EGFR: variants seen among roughly 807,000 people sequenced by gnomAD.
EGFR encodes the protein epidermal growth factor receptor, also known as avian erythroblastic leukemia viral (v-erb-b) oncogene homolog.
EGFR carries 58 observed loss-of-function variants against 143.0 expected under a neutral mutation model. The observed-to-expected ratio is 0.41, with a 90% CI of 0.33 to 0.50. EGFR has a LOEUF of 0.50. EGFR is among the 20% of genes least tolerant of loss of function. The pLI, the probability that EGFR is intolerant of heterozygous loss-of-function variation, is 0.39. For synonymous variants in EGFR, 613 were observed against 594.4 expected (o/e 1.03, Z -0.45); for missense variants, 1,307 against 1,579.0 (o/e 0.83, Z 2.92).
At chr7:55,125,881 G>C (rs1793494654) in intron 1 of EGFR, among the ~76,000 whole-genome samples, 1 of 152,206 alleles carries the variant, frequency 6.6e-6, no homozygotes, top group Admixed American at 6.5e-5. Flanking sequence ...GAATCTGTCA[G>C]TGGCTTCTCA....
intron 1 of EGFR, among the ~76,000 whole-genome samples, chr7:55,059,923 G>C (rs1789070854): frequency 6.6e-6 from 1 of 151,968 alleles, no homozygotes; most frequent in South Asian, 2.1e-4. Flanking sequence ...GGTGGAAGTA[G>C]GGCTGGAGAC....
chr7:55,032,444 T>C (rs944601193), intron 1 of EGFR, among the ~76,000 whole-genome samples: 1 of 152,224 alleles, frequency 6.6e-6, no homozygotes, highest in Non-Finnish European at 1.5e-5. Flanking sequence ...TTTCACTCTC[T>C]ATGTAGAACG....
Position 55,163,723 on chromosome 7 carries a change from C to G in EGFR, c.1632-10C>G. 6.2e-7 allele frequency: 1 copy of G among 1,613,788 alleles called. No homozygotes were observed. The highest frequency in any genetic ancestry group is 1.7e-5 in the Admixed American group (1 of 60,028). On this transcript the variant is annotated splice_polypyrimidine_tract_variant and intron_variant, in intron 13 of 27. Coordinates refer to ENST00000275493, the MANE Select transcript of EGFR (RefSeq NM_005228.5). ...GGGTGGGCTGACGGGTTTCCTCTTC[C>G]TCCTCTCAGTGAGCCAAGGGAGTTT...
At chr7:55,084,915 G>A (rs751920112) in intron 1 of EGFR, among the ~76,000 whole-genome samples, 16 of 152,094 alleles carry the variant, frequency 1.1e-4, no homozygotes, top group Non-Finnish European at 2.4e-4. Flanking sequence ...TCGGTAGCAG[G>A]GCAGTACAGC....
At chr7:55,033,302 T>G (rs1323506728) in intron 1 of EGFR, among the ~76,000 whole-genome samples, 1 of 152,112 alleles carries the variant, frequency 6.6e-6, no homozygotes, top group Non-Finnish European at 1.5e-5. Context: ...TGTGGTGTTT[T>G]TTGTTTTGTT....
chr7:55,137,981 A>C (rs1275068344), intron 1 of EGFR, among the ~76,000 whole-genome samples: 1 of 152,244 alleles, frequency 6.6e-6, no homozygotes, highest in East Asian at 1.9e-4. Context: ...CCTTAAAAAC[A>C]ACAATGATGA....
intron 1 of EGFR, among the ~76,000 whole-genome samples, chr7:55,035,435 A>C (rs1787500758): frequency 6.6e-6 from 1 of 151,622 alleles, no homozygotes; most frequent in Admixed American, 6.6e-5. Context: ...AGGCCAAGGC[A>C]GGTGGATCAC....
At chr7:55,111,906 C>A (rs1792514269) in intron 1 of EGFR, among the ~76,000 whole-genome samples, 2 of 152,210 alleles carry the variant, frequency 1.3e-5, no homozygotes, top group African/African-American at 4.8e-5. Context: ...TTTACAGCAT[C>A]TCGTTTAACC....
chr7:55,185,032 T>C (rs2128960807), intron 20 of EGFR, among the ~76,000 whole-genome samples: 1 of 152,330 alleles, frequency 6.6e-6, no homozygotes, highest in African/African-American at 2.4e-5. Context: ...AGGCACAAAC[T>C]ATCTAGGTAA....
chr7:55,070,514 T>C (rs949243458), intron 1 of EGFR, among the ~76,000 whole-genome samples: 1 of 152,230 alleles, frequency 6.6e-6, no homozygotes, highest in Non-Finnish European at 1.5e-5. Flanking sequence ...AATGCATAGA[T>C]ACATACAAAC....
chr7:55,136,312 A>G (rs921073005), intron 1 of EGFR, among the ~76,000 whole-genome samples: 1 of 152,226 alleles, frequency 6.6e-6, no homozygotes, highest in Non-Finnish European at 1.5e-5. Flanking sequence ...CTAATTAAAT[A>G]TATGACTAAG....
At chr7:55,204,602 TACAC>T (rs1278026718) in intron 27 of EGFR, among the ~76,000 whole-genome samples, 1 of 64,452 alleles carries the variant, frequency 1.6e-5, no homozygotes, top group Non-Finnish European at 3.1e-5. Context: ...TACACACACG[TACAC>T]ACACCACACA....
At chr7:55,202,410 A>T (rs1787888478) in intron 26 of EGFR, 107 bp from the exon 27 acceptor site, 2 of 972,524 alleles carry the variant, frequency 2.1e-6, no homozygotes, top group African/African-American at 3.2e-5. Flanking sequence ...GGCCTGCCCA[A>T]CCTACTAATC....
intron 5 of EGFR, among the ~76,000 whole-genome samples, chr7:55,152,099 C>T (rs1298098558): frequency 1.3e-5 from 2 of 152,152 alleles, no homozygotes; most frequent in South Asian, 2.1e-4. Flanking sequence ...CCCTGCTTTA[C>T]GATGGAGAGG....
intron 1 of EGFR, among the ~76,000 whole-genome samples, chr7:55,105,497 A>T (rs1463980938): frequency 2.0e-5 from 3 of 152,244 alleles, no homozygotes; most frequent in African/African-American, 7.2e-5. Flanking sequence ...GATCAAAGAG[A>T]ACCAGGCTCT....
intron 3 of EGFR, 89 bp from the exon 4 acceptor site, chr7:55,146,517 C>T (rs2128929209): frequency 6.3e-7 from 1 of 1,589,972 alleles, no homozygotes. Context: ...ATCTCTTTAG[C>T]AGAACATAAA....
At chr7:55,054,530 A>G (rs1406396188) in intron 1 of EGFR, among the ~76,000 whole-genome samples, 1 of 152,224 alleles carries the variant, frequency 6.6e-6, no homozygotes, top group Non-Finnish European at 1.5e-5. Flanking sequence ...CCTGGAGCTC[A>G]GAAAGAGGGG....
At chr7:55,177,759 T>C (rs1478642739) in intron 19 of EGFR, among the ~76,000 whole-genome samples, 3 of 152,180 alleles carry the variant, frequency 2.0e-5, no homozygotes, top group African/African-American at 7.2e-5. Context: ...CTAGGAGCCA[T>C]GGGGGCTCCA....
chr7:55,142,350 C>T lies in EGFR; in HGVS notation c.153C>T (p.Leu51=), dbSNP rs773745636. 2 of 1,614,182 alleles carry T rather than the reference C, an allele frequency of 1.2e-6. No homozygotes were observed. The highest frequency in any genetic ancestry group is 3.3e-5 in the Admixed American group (2 of 60,024). The change falls in exon 2 of 28, where the codon CTC becomes CTT. Residue 51 remains leucine, a synonymous_variant. Coordinates refer to ENST00000275493, the MANE Select transcript of EGFR (RefSeq NM_005228.5). The part of the protein sequence containing the change: ...LGTFEDHFLS[L]QRMFNNCEVV... ...CTTTTGAAGATCATTTTCTCAGCCT[C>T]CAGAGGATGTTCAATAACTGTGAGG... is the stretch of plus-strand genomic sequence containing the variant.
Sources: allele counts gnomAD v4.1 joint callset (sites outside exome capture counted in the v4.1 genomes callset), GRCh38; gene constraint gnomAD v4.1.1; transcripts MANE v1.5; gene names NCBI Gene and HGNC (gene_info 2026-07-23, HGNC 2026-07-21).